Variants in LGALS8 observed in about 807,000 individuals in gnomAD.
The protein encoded by LGALS8 is galectin 8, also known as galectin-8.
In LGALS8, 30 loss-of-function variants were observed where a neutral mutation model predicts 35.9. That is an observed-to-expected ratio of 0.83 (90% confidence interval 0.62 to 1.13). The LOEUF is 1.13. LGALS8 is among the 50% of genes most tolerant of loss of function. LGALS8 has a pLI of 0.00. For synonymous variants in LGALS8, 138 were observed against 136.1 expected, an observed-to-expected ratio of 1.01 and a Z score of -0.10; for missense variants, 366 against 388.7, an observed-to-expected ratio of 0.94 and a Z score of 0.49.
In LGALS8 at chr1:236,551,140, A is replaced by C; in HGVS notation, c.*2979A>C. The stretch of plus-strand genomic sequence containing the variant: ...GCACATTAACAAAGCAGGAGGCGCC[A>C]CGGACCGCCTCCCTCCACACCGCTC... On this transcript the variant is annotated 3_prime_UTR_variant, in exon 10 of 10. Coordinates refer to ENST00000366584, the MANE Select transcript of LGALS8 (RefSeq NM_201544.4). 1.6e-6 allele frequency: 1 copy of C among 617,016 alleles called. No homozygotes were observed. 38.2% of individuals were successfully genotyped at this position (617,016 alleles called of 1,614,324 possible). A position where few individuals can be genotyped will look rare whatever the true frequency, so the allele number is the denominator to read the frequency against.
chr1:236,541,309 T>C (rs1416831635), intron 5 of LGALS8: 2 of 200,460 alleles, frequency 1.0e-5, no homozygotes, highest in African/African-American at 2.4e-5. Flanking sequence ...ACAAAAGTCA[T>C]GTAAGGACAC....
intron 5 of LGALS8, 36 bp downstream of exon 5, chr1:236,540,719 G>A: frequency 6.4e-7 from 1 of 1,563,248 alleles, no homozygotes; most frequent in Non-Finnish European, 8.7e-7. Flanking sequence ...TCTTTTATGA[G>A]GATGGTTTCT....
At position 236,549,304 on chromosome 1, in the gene LGALS8, G is replaced by A. The variant is rs1342287747; in HGVS notation, c.*1143G>A. On this transcript the variant is annotated 3_prime_UTR_variant, in exon 10 of 10. Transcript: ENST00000366584. ...TTCTGTGATTTTTCTATTATTTGAGGGGAGTTGGCAGAAGTTCCATGTATA... is the reference window on the plus strand; with the variant it reads ...TTCTGTGATTTTTCTATTATTTGAGAGGAGTTGGCAGAAGTTCCATGTATA... The A allele has an allele frequency of 4.3e-6, 1 of 233,650 alleles. No individual in the cohort carries two copies. Among genetic ancestry groups the A allele is most frequent in the Non-Finnish European group, 8.2e-6 (1 of 121,896 alleles). The allele number at this position is 233,650 out of a possible 1,614,324, so 14.5% of individuals were successfully genotyped here.
Position 236,548,509 on chromosome 1 carries a change from A to AGG in LGALS8, c.*348_*349insGG, listed in dbSNP as rs1376507183. Reference sequence around the variant, plus strand: ...ACAGATTTTTTTTGGTAAAACTGTGAAGAGCTAGGATATATACTTGGTGAA... The same window carrying AGG: ...ACAGATTTTTTTTGGTAAAACTGTGAGGAGAGCTAGGATATATACTTGGTGAA... On this transcript the variant is annotated 3_prime_UTR_variant, in exon 10 of 10. Transcript: ENST00000366584. The AGG allele has an allele frequency of 7.0e-5, 21 of 298,228 alleles. No individual in the cohort carries two copies. Among genetic ancestry groups the AGG allele is most frequent in the Non-Finnish European group, 9.3e-5 (15 of 161,428 alleles). 18.5% of individuals were successfully genotyped at this position (298,228 alleles called of 1,614,324 possible).
intron 2 of LGALS8, among the ~76,000 whole-genome samples, chr1:236,532,871 A>AAACAAAG (rs1288201769): frequency 1.4e-5 from 2 of 139,252 alleles, no homozygotes; most frequent in African/African-American, 5.5e-5. Flanking sequence ...AAAAAACAAA[A>AAACAAAG]AACCTGTTTT....
upstream of LGALS8, among the ~76,000 whole-genome samples, chr1:236,519,490 T>C (rs562750144): frequency 1.3e-5 from 2 of 152,216 alleles, no homozygotes; most frequent in African/African-American, 2.4e-5. Flanking sequence ...GAAAAAGAAA[T>C]TGATCCTACC....
rs1468934355 is a variant in LGALS8, at chr1:236,550,370, T to C, written c.*2209T>C. 6.6e-6 allele frequency: 1 copy of C among 152,300 alleles called. No individual in the cohort carries two copies. The highest frequency in any genetic ancestry group is 1.5e-5 in the Non-Finnish European group (1 of 68,102). The allele number at this position is 152,300 out of a possible 1,614,324, so 9.4% of individuals were successfully genotyped here. On this transcript the variant is annotated 3_prime_UTR_variant, in exon 10 of 10. Transcript: ENST00000366584. ...AAAAAAAGCATTCCAGAACCACTTC[T>C]CTTTATGGGCACAACAAAGAAACGA... is the stretch of plus-strand genomic sequence containing the variant.
chr1:236,548,505 TGTGAAGA>T lies in LGALS8; in HGVS notation c.*346_*352del, dbSNP rs1662552084. On this transcript the variant is annotated 3_prime_UTR_variant, in exon 10 of 10. Coordinates refer to ENST00000366584, the MANE Select transcript of LGALS8 (RefSeq NM_201544.4). ...GAGCACAGATTTTTTTTGGTAAAAC[TGTGAAGA>T]GCTAGGATATATACTTGGTGAAACA... 1 of 297,774 alleles carries T rather than the reference TGTGAAGA, an allele frequency of 3.4e-6. No homozygotes were observed. The highest frequency in any genetic ancestry group is 2.2e-5 in the African/African-American group (1 of 46,282). The allele number at this position is 297,774 out of a possible 1,614,324, so 18.4% of individuals were successfully genotyped here.
In LGALS8 at chr1:236,538,950, G is replaced by T; in HGVS notation, c.206G>T (p.Arg69Leu). ...RADVAFHFNP[R>L]FKRAGCIVCN... is the part of the protein sequence containing the mutation. The stretch of plus-strand genomic sequence containing the variant: ...GATGTGGCCTTTCATTTCAATCCTC[G>T]TTTCAAAAGGGCCGGCTGCATTGTT... The change falls in exon 4 of 10, where the codon CGT (arginine) becomes CTT (leucine). Residue 69 changes from arginine (R) to leucine (L), a missense_variant. Physicochemically the swap from Arg to Leu is moderately radical, Grantham distance 102. Coordinates refer to ENST00000366584, the MANE Select transcript of LGALS8 (RefSeq NM_201544.4). 3 of 1,613,980 alleles carry T rather than the reference G, an allele frequency of 1.9e-6. No individual in the cohort carries two copies. The South Asian group carries it at 3.3e-5, about 18-fold the overall frequency.
chr1:236,547,908 T>G, intron 9 of LGALS8, 104 bp from the exon 10 acceptor site: 1 of 1,026,054 alleles, frequency 9.7e-7, no homozygotes, highest in Non-Finnish European at 1.5e-6. Context: ...GCTGGAACTT[T>G]TCTATGTATA....
Position 236,548,816 on chromosome 1 carries a change from C to T in LGALS8, c.*655C>T, listed in dbSNP as rs1168653150. Reference sequence around the variant, plus strand: ...AACATGTGGCTCTATTAGCTGCAAGCTTTACCAAGTAATTGGCATGACATC... The same window carrying T: ...AACATGTGGCTCTATTAGCTGCAAGTTTTACCAAGTAATTGGCATGACATC... On this transcript the variant is annotated 3_prime_UTR_variant, in exon 10 of 10. Transcript: ENST00000366584. 1.0e-4 allele frequency: 41 copies of T among 397,352 alleles called. No homozygotes were observed. The East Asian group carries it at 1.5e-3, about 14-fold the overall frequency. 24.6% of individuals were successfully genotyped at this position (397,352 alleles called of 1,614,324 possible). A position where few individuals can be genotyped will look rare whatever the true frequency, so the allele number is the denominator to read the frequency against.
In LGALS8 at chr1:236,548,915, C is replaced by T. The variant is rs1335470675; in HGVS notation, c.*754C>T. ...GCTGAAATTAACTTGATGCCAAGCCCAAGGCAGCTGATTTCTGTGTATTTG... is the reference window on the plus strand; with the variant it reads ...GCTGAAATTAACTTGATGCCAAGCCTAAGGCAGCTGATTTCTGTGTATTTG... On this transcript the variant is annotated 3_prime_UTR_variant, in exon 10 of 10. Coordinates refer to ENST00000366584, the MANE Select transcript of LGALS8 (RefSeq NM_201544.4). 5.0e-6 allele frequency: 2 copies of T among 398,458 alleles called. No homozygotes were observed. The highest frequency in any genetic ancestry group is 8.8e-6 in the Non-Finnish European group (2 of 226,050). The allele number at this position is 398,458 out of a possible 1,614,324, so 24.7% of individuals were successfully genotyped here. A position where few individuals can be genotyped will look rare whatever the true frequency, so the allele number is the denominator to read the frequency against.
intron 5 of LGALS8, 178 bp from the exon 6 acceptor site, chr1:236,541,476 G>A (rs906985377): frequency 2.0e-6 from 1 of 492,326 alleles, no homozygotes; most frequent in Non-Finnish European, 3.6e-6. Flanking sequence ...CTTATTCTCT[G>A]TAATGTTTGC....
chr1:236,551,884 G>A lies in LGALS8; in HGVS notation c.*3723G>A. On this transcript the variant is annotated 3_prime_UTR_variant, in exon 10 of 10. Transcript: ENST00000366584. ...ACTGGAGCTGCCTGTATGAGGACTG[G>A]ATCAACTGCTAGTCACGTTATATCC... The A allele has an allele frequency of 1.4e-6, 1 of 716,164 alleles. No individual in the cohort carries two copies. The allele number at this position is 716,164 out of a possible 1,614,324, so 44.4% of individuals were successfully genotyped here.
chr1:236,524,624 T>C, intron 1 of LGALS8: 2 of 357,544 alleles, frequency 5.6e-6, no homozygotes, highest in South Asian at 4.0e-5. Context: ...TGGCTGCTTG[T>C]GATGCATACG....
At chr1:236,539,131 C>A in intron 4 of LGALS8, 42 bp downstream of exon 4, 2 of 1,456,460 alleles carry the variant, frequency 1.4e-6, no homozygotes, top group Non-Finnish European at 1.9e-6. Context: ...CATTAGTGAG[C>A]AGGAGTGCAC....
At chr1:236,545,228 A>G (rs1277979763) in intron 9 of LGALS8, 2 of 168,518 alleles carry the variant, frequency 1.2e-5, no homozygotes, top group Non-Finnish European at 2.5e-5. Context: ...TTAATCATAT[A>G]AGCAGACTTG....
intron 1 of LGALS8, chr1:236,524,727 G>C (rs973147114): frequency 2.0e-5 from 6 of 306,108 alleles, no homozygotes; most frequent in African/African-American, 1.1e-4. Flanking sequence ...TCACTGGCTT[G>C]TTATTATACA....
rs1003278815 is a variant in LGALS8, at chr1:236,526,632, G to A, written c.45+517G>A. Among the ~76,000 whole-genome samples, 1 of 152,152 alleles carries A rather than the reference G, an allele frequency of 6.6e-6. No homozygotes were observed. The highest frequency in any genetic ancestry group is 1.5e-5 in the Non-Finnish European group (1 of 68,038). ...CAGGCAGGTCCTAGAATCCCTGAAT[G>A]ACTGTAATTGCTGGAAATTGCCCTG... On this transcript the variant is annotated intron_variant, in intron 2 of 9. Transcript: ENST00000366584. This position sits in a 1 kb window ranked among gnomAD's most constrained non-coding sequence, Gnocchi z 4.6.
Sources: gnomAD v4.1 joint callset for allele counts (sites outside exome capture counted in the v4.1 genomes callset) on GRCh38, gnomAD v4.1.1 for gene constraint, Gnocchi (gnomAD v3.1) non-coding constraint, MANE v1.5 for transcripts, NCBI Gene and HGNC (gene_info 2026-07-23, HGNC 2026-07-21) for gene names.